ATP7B: variants seen among roughly 807,000 people sequenced by gnomAD.
ATP7B encodes ATPase copper transporting beta.
ATP7B carries 113 observed loss-of-function variants against 118.9 expected under a neutral mutation model. That is an observed-to-expected ratio of 0.95 (90% confidence interval 0.82 to 1.11). ATP7B has a LOEUF of 1.11. Ranked by LOEUF, ATP7B falls within the 50% of genes most tolerant of loss-of-function variation. The pLI, the probability that ATP7B is intolerant of heterozygous loss-of-function variation, is 0.00. For missense variants in ATP7B, 1,867 were observed against 1,871.4 expected (o/e 1.00, Z 0.04); for synonymous variants, 777 against 727.4 (o/e 1.07, Z -1.10).
chr13:51,968,717 A>C (rs1951692727), intron 3 of ATP7B, 110 bp from the exon 4 acceptor site: 1 of 1,332,296 alleles, frequency 7.5e-7, no homozygotes, highest in Non-Finnish European at 1.1e-6. Context: ...CCTCTAGAAC[A>C]GCAGTTTTCA....
chr13:51,964,675 C>T, intron 5 of ATP7B, 197 bp downstream of exon 5: 1 of 608,648 alleles, frequency 1.6e-6, no homozygotes, highest in Admixed American at 3.0e-5. Flanking sequence ...TACCCATTCA[C>T]TGATATCCTC....
intron 1 of ATP7B, among the ~76,000 whole-genome samples, chr13:52,000,447 C>A (rs1298192310): frequency 1.3e-5 from 2 of 152,186 alleles, no homozygotes; most frequent in African/African-American, 4.8e-5. Context: ...CTAATACCAC[C>A]ACCTTGGGGG....
chr13:51,975,637 A>G (rs547865008), intron 1 of ATP7B: 2 of 476,904 alleles, frequency 4.2e-6, no homozygotes, highest in Non-Finnish European at 8.4e-6. Flanking sequence ...ACCCCAGAAT[A>G]GTCAACACCT....
In ATP7B at chr13:51,934,348, C is replaced by A; in HGVS notation, c.*408G>T. On this transcript the variant is annotated 3_prime_UTR_variant, in exon 21 of 21. Transcript: ENST00000242839. Reference sequence around the variant, plus strand: ...ACACAGACAGGCGTCATCAGAAAGACCCTGACAGTGAGGTCTGCAGTTCTC... The same window carrying A: ...ACACAGACAGGCGTCATCAGAAAGAACCTGACAGTGAGGTCTGCAGTTCTC... 3.2e-6 allele frequency: 1 copy of A among 312,780 alleles called. No individual in the cohort carries two copies. The highest frequency in any genetic ancestry group is 6.3e-6 in the Non-Finnish European group (1 of 158,278). The allele number at this position is 312,780 out of a possible 1,614,324, so 19.4% of individuals were successfully genotyped here.
Position 52,010,964 on chromosome 13 carries a change from T to C in ATP7B, c.51+323A>G, listed in dbSNP as rs531916928. ...CAAGCACCAGGCTCTGAGTAACTTC[T>C]CCAGGTAACTAACTTCATCGTTTTG... On this transcript the variant is annotated intron_variant, in intron 1 of 20. Transcript: ENST00000242839. Among the ~76,000 whole-genome samples, 3 of 152,344 alleles carry C rather than the reference T, an allele frequency of 2.0e-5. No homozygotes were observed. In the South Asian group the frequency reaches 6.2e-4, roughly 32 times the overall value.
rs563353745 is a variant in ATP7B, at chr13:51,950,110, G to C, written c.2627C>G (p.Ser876Cys). Residue 876 changes from serine (S) to cysteine (C), a missense_variant, in exon 11 of 21, where the codon TCT becomes TGT. Transcript: ENST00000242839. The stretch of plus-strand genomic sequence containing the variant: ...GAGCACAGAGCCATGTGCATTTATA[G>C]ACCCCGCAATTACAGTGCTTCCGGG... ...KKPGSTVIAG[S>C]INAHGSVLIK... The C allele has an allele frequency of 1.7e-5, 27 of 1,614,176 alleles. No individual in the cohort carries two copies. In the South Asian group the frequency reaches 2.9e-4, roughly 17 times the overall value.
At chr13:51,935,730 C>G in intron 19 of ATP7B, 35 bp from the exon 20 acceptor site, 4 of 1,575,508 alleles carry the variant, frequency 2.5e-6, no homozygotes, top group South Asian at 2.3e-5. Context: ...ACACCTAGGT[C>G]TGGGGAGAGG....
intron 1 of ATP7B, among the ~76,000 whole-genome samples, chr13:51,976,750 T>C (rs998807902): frequency 2.0e-5 from 3 of 152,196 alleles, no homozygotes; most frequent in Admixed American, 6.5e-5. Context: ...AACACAATGG[T>C]AAGTACTTGT....
intron 1 of ATP7B, among the ~76,000 whole-genome samples, chr13:52,009,338 G>A (rs1261828973): frequency 6.6e-6 from 1 of 152,172 alleles, no homozygotes; most frequent in Non-Finnish European, 1.5e-5. Flanking sequence ...GGATCTGGGT[G>A]AGATTAGCTG....
chr13:51,988,124 C>T (rs1952746738), intron 1 of ATP7B, among the ~76,000 whole-genome samples: 1 of 151,914 alleles, frequency 6.6e-6, no homozygotes, highest in African/African-American at 2.4e-5. Context: ...AACAGGCAAC[C>T]TACAGAATGG....
chr13:52,005,693 T>C (rs1953733004), intron 1 of ATP7B, among the ~76,000 whole-genome samples: 1 of 152,236 alleles, frequency 6.6e-6, no homozygotes, highest in Non-Finnish European at 1.5e-5. Flanking sequence ...TTCCAGCATG[T>C]ACCTCCAAAC....
At chr13:51,996,724 T>C (rs545479313) in intron 1 of ATP7B, among the ~76,000 whole-genome samples, 3 of 152,258 alleles carry the variant, frequency 2.0e-5, no homozygotes, top group Admixed American at 1.3e-4. Flanking sequence ...ATCTGTTCTC[T>C]TTGAGGAAAG....
chr13:51,960,136 T>C lies in ATP7B; in HGVS notation c.2121+12A>G. 4 of 1,612,614 alleles carry C rather than the reference T, an allele frequency of 2.5e-6. No homozygotes were observed. The highest frequency in any genetic ancestry group is 3.4e-6 in the Non-Finnish European group (4 of 1,178,588). ...ATGGAAGGGAGAGGTCTGCCCACTT[T>C]CTCATATATACCTGGACAAAGGTAC... On this transcript the variant is annotated intron_variant, in intron 7 of 20. Coordinates refer to ENST00000242839, the MANE Select transcript of ATP7B (RefSeq NM_000053.4).
At chr13:51,970,318 TAAAG>T (rs1377565423) in intron 3 of ATP7B, among the ~76,000 whole-genome samples, 170 bp downstream of exon 3, 1 of 152,174 alleles carries the variant, frequency 6.6e-6, no homozygotes, top group Non-Finnish European at 1.5e-5. Context: ...AAATACTTCT[TAAAG>T]AACACAATGC....
chr13:51,938,903 G>T, intron 17 of ATP7B, 148 bp downstream of exon 17: 1 of 1,294,248 alleles, frequency 7.7e-7, no homozygotes, highest in South Asian at 1.2e-5. Context: ...AACACTACAT[G>T]GCCACAGAAT....
chr13:51,949,910 C>T, intron 11 of ATP7B, 97 bp downstream of exon 11: 1 of 1,608,986 alleles, frequency 6.2e-7, no homozygotes, highest in African/African-American at 1.3e-5. Flanking sequence ...ATTTACTAAT[C>T]AATCTCTACT....
intron 1 of ATP7B, 37 bp downstream of exon 1, chr13:52,011,250 T>C (rs368548030): frequency 3.0e-4 from 485 of 1,613,746 alleles, no homozygotes; most frequent in Non-Finnish European, 3.6e-4. Context: ...CTGGTGGGAG[T>C]GAGCACGCTG....
chr13:51,953,636 T>C (rs1958145728), intron 9 of ATP7B, among the ~76,000 whole-genome samples: 1 of 152,112 alleles, frequency 6.6e-6, no homozygotes. Context: ...CCTCTCCAAG[T>C]GCTGAGCGAT....
rs759359836 is a variant in ATP7B at position 51,974,119 on chromosome 13, G to A, written c.1101C>T (p.Gly367=). The change falls in exon 2 of 21, where the codon GGC becomes GGT. Residue 367 remains glycine (G), a synonymous_variant. Coordinates refer to ENST00000242839, the MANE Select transcript of ATP7B (RefSeq NM_000053.4). ...TCSTTLIAIA[G]MTCASCVHSI... is the part of the protein sequence containing the mutation. ...AATGGACACAGGATGCACAGGTCATGCCGGCAATGGCAATCAGAGTGGTAC... is the reference window on the plus strand; with the variant it reads ...AATGGACACAGGATGCACAGGTCATACCGGCAATGGCAATCAGAGTGGTAC... 5.6e-5 allele frequency: 91 copies of A among 1,613,982 alleles called. No homozygotes were observed. Among genetic ancestry groups the A allele is most frequent in the Non-Finnish European group, 7.5e-5 (88 of 1,180,044 alleles).
Sources: allele counts gnomAD v4.1 joint callset (sites outside exome capture counted in the v4.1 genomes callset), GRCh38; gene constraint gnomAD v4.1.1; transcripts MANE v1.5; gene names NCBI Gene and HGNC (gene_info 2026-07-23, HGNC 2026-07-21).